Variants in SPTBN1 observed in about 807,000 individuals in gnomAD.
SPTBN1 encodes spectrin beta, non-erythrocytic 1.
Under a neutral mutation model 266.4 loss-of-function variants are expected in SPTBN1, and 32 were observed. The ratio of observed to expected loss-of-function variants is 0.12; its 90% CI spans 0.09 to 0.16. SPTBN1 has a LOEUF of 0.16. Among genes scored for constraint, SPTBN1 ranks in the 10% least tolerant of loss-of-function variants. The pLI, the probability that SPTBN1 is intolerant of heterozygous loss-of-function variation, is 1.00. For missense variants in SPTBN1, 2,296 were observed against 3,067.1 expected (o/e 0.75, Z 5.94); for synonymous variants, 1,336 against 1,162.2 (o/e 1.15, Z -3.04).
At chr2:54,522,697 G>GAGAGAGAGAGAAAGAAAGAA (rs1553439438) in intron 1 of SPTBN1, among the ~76,000 whole-genome samples, 4 of 97,330 alleles carry the variant, frequency 4.1e-5, no homozygotes, top group Non-Finnish European at 4.1e-5. Flanking sequence ...GAGAGAGAGA[G>GAGAGAGAGAGAAAGAAAGAA]AGAAAGAAAG....
At chr2:54,485,770 A>C (rs1250921678) in intron 1 of SPTBN1, among the ~76,000 whole-genome samples, 20 of 135,348 alleles carry the variant, frequency 1.5e-4, no homozygotes, top group East Asian at 4.5e-4. Context: ...GGCCGCCATC[A>C]CATCTAGGAA....
At chr2:54,518,651 G>A (rs188464991) in intron 1 of SPTBN1, among the ~76,000 whole-genome samples, 1 of 152,262 alleles carries the variant, frequency 6.6e-6, no homozygotes, top group Non-Finnish European at 1.5e-5. Flanking sequence ...TAAAGTGGGA[G>A]TGTTTTAAGT....
In SPTBN1 at chr2:54,626,485, G is replaced by T. The variant is rs539714286; in HGVS notation, c.1644+251G>T. Among the ~76,000 whole-genome samples the T allele has an allele frequency of 6.6e-6, 1 of 152,346 alleles. No homozygotes were observed. Among genetic ancestry groups the T allele is most frequent in the South Asian group, 2.1e-4 (1 of 4,822 alleles). Reference sequence around the variant, plus strand: ...GTTTCTGTGACTTAGATATATTCCAGTGTAGGGAATCAATCACATTGTGGT... The same window carrying T: ...GTTTCTGTGACTTAGATATATTCCATTGTAGGGAATCAATCACATTGTGGT... On this transcript the variant is annotated intron_variant, in intron 12 of 35. Transcript: ENST00000356805. This position sits in a 1 kb window ranked among gnomAD's most constrained non-coding sequence, Gnocchi z 4.7.
At chr2:54,468,040 G>T (rs1197275669) in intron 1 of SPTBN1, among the ~76,000 whole-genome samples, 2 of 152,008 alleles carry the variant, frequency 1.3e-5, no homozygotes, top group African/African-American at 2.4e-5. Context: ...CAGGTGCGGT[G>T]GCTCACGCCT....
intron 2 of SPTBN1, chr2:54,557,838 C>T (rs904666938): frequency 2.0e-6 from 2 of 985,460 alleles, no homozygotes; most frequent in South Asian, 4.7e-5. Context: ...TACACCTCCC[C>T]TGGCTGTGGC....
At chr2:54,639,758 C>G (rs998003490) in intron 18 of SPTBN1, among the ~76,000 whole-genome samples, 5 of 152,222 alleles carry the variant, frequency 3.3e-5, no homozygotes, top group African/African-American at 1.2e-4. Context: ...GTTCTCTCCT[C>G]CACACACACC....
chr2:54,529,707 G>T (rs758773063), intron 2 of SPTBN1: 36 of 715,778 alleles, frequency 5.0e-5, no homozygotes, highest in South Asian at 4.9e-4. Context: ...GACATTGATG[G>T]GGCCAAGGTC....
chr2:54,493,446 C>T (rs979017164), intron 1 of SPTBN1, among the ~76,000 whole-genome samples: 1 of 150,216 alleles, frequency 6.7e-6, no homozygotes, highest in East Asian at 2.0e-4. Flanking sequence ...ACTCTTGTCA[C>T]GCAGACTGGA....
At chr2:54,576,264 G>A (rs1284879089) in intron 2 of SPTBN1, among the ~76,000 whole-genome samples, 3 of 151,964 alleles carry the variant, frequency 2.0e-5, no homozygotes, top group Non-Finnish European at 4.4e-5. Context: ...ATGTTGGCCA[G>A]GCTAGTCTTA....
chr2:54,610,710 ACCT>A (rs1268766995), intron 3 of SPTBN1, among the ~76,000 whole-genome samples: 1 of 152,130 alleles, frequency 6.6e-6, no homozygotes, highest in African/African-American at 2.4e-5. Context: ...ACAACTGTAG[ACCT>A]CAATCTACAA....
intron 1 of SPTBN1, among the ~76,000 whole-genome samples, chr2:54,482,642 A>T (rs1483229651): frequency 6.6e-6 from 1 of 152,234 alleles, no homozygotes; most frequent in African/African-American, 2.4e-5. Context: ...TCATTTCCTC[A>T]GTCACACTAG....
intron 2 of SPTBN1, among the ~76,000 whole-genome samples, chr2:54,573,085 C>T (rs1018944547): frequency 1.3e-5 from 2 of 152,212 alleles, no homozygotes; most frequent in African/African-American, 4.8e-5. Context: ...ACCTCAGTTT[C>T]CTGTGAGCTC....
intron 1 of SPTBN1, among the ~76,000 whole-genome samples, chr2:54,472,200 T>C (rs1227953817): frequency 6.6e-6 from 1 of 151,980 alleles, no homozygotes; most frequent in Non-Finnish European, 1.5e-5. Context: ...GCTAATTTTT[T>C]GTATTTTTAG....
At chr2:54,596,113 C>T (rs1378804280) in intron 2 of SPTBN1, among the ~76,000 whole-genome samples, 1 of 152,170 alleles carries the variant, frequency 6.6e-6, no homozygotes, top group Non-Finnish European at 1.5e-5. Flanking sequence ...CACCTCCTCA[C>T]GCAGCTAGCC....
At chr2:54,661,870 C>T (rs1681070460) in intron 32 of SPTBN1, 3 of 985,252 alleles carry the variant, frequency 3.0e-6, no homozygotes, top group Non-Finnish European at 3.6e-6. Context: ...ATGTTCTTAG[C>T]ATTTGCTATC....
intron 1 of SPTBN1, among the ~76,000 whole-genome samples, chr2:54,470,045 G>T (rs1296844338): frequency 1.3e-5 from 2 of 152,206 alleles, no homozygotes; most frequent in African/African-American, 4.8e-5. Flanking sequence ...AGGAAATCCC[G>T]AGTTTCCCTG....
chr2:54,471,657 A>C (rs2103864699), intron 1 of SPTBN1, among the ~76,000 whole-genome samples: 1 of 152,302 alleles, frequency 6.6e-6, no homozygotes, highest in East Asian at 1.9e-4. Flanking sequence ...GGTTGGGAGC[A>C]AGCTGTGTGA....
intron 15 of SPTBN1, 35 bp downstream of exon 15, chr2:54,630,064 C>A (rs374492167): frequency 6.2e-7 from 1 of 1,603,524 alleles, no homozygotes; most frequent in Non-Finnish European, 8.5e-7. Flanking sequence ...CAGCCTCCCA[C>A]GTGTGGGACT....
rs755859752 is a variant in SPTBN1, at chr2:54,526,469, G to A, written c.51G>A (p.Gln17=). The A allele has an allele frequency of 4.3e-6, 7 of 1,614,224 alleles. No homozygotes were observed. In the Admixed American group the frequency reaches 1.2e-4, roughly 27 times the overall value. Reference sequence around the variant, plus strand: ...ATGACAACATTGAGATCCAGCAGCAGTACAGTGATGTCAACAACCGCTGGG... The same window carrying A: ...ATGACAACATTGAGATCCAGCAGCAATACAGTGATGTCAACAACCGCTGGG... The part of the protein sequence containing the change: ...TDYDNIEIQQ[Q]YSDVNNRWDV... Residue 17 remains glutamine, a synonymous_variant, in exon 2 of 36, where the codon CAG becomes CAA. Transcript: ENST00000356805.
Sources: gnomAD v4.1 joint callset for allele counts (sites outside exome capture counted in the v4.1 genomes callset) on GRCh38, gnomAD v4.1.1 for gene constraint, Gnocchi (gnomAD v3.1) non-coding constraint, MANE v1.5 for transcripts, NCBI Gene and HGNC (gene_info 2026-07-23, HGNC 2026-07-21) for gene names.